CACNA2D4: variants seen among roughly 807,000 people sequenced by gnomAD.
The protein encoded by CACNA2D4 is voltage-dependent calcium channel subunit alpha-2/delta-4.
In CACNA2D4, 157 loss-of-function variants were observed where a neutral mutation model predicts 163.8. The observed-to-expected ratio is 0.96, with a 90% CI of 0.84 to 1.09. The LOEUF (loss-of-function observed/expected upper bound fraction) is 1.09. Ranked by LOEUF, CACNA2D4 falls within the 50% of genes least tolerant of loss-of-function variation. CACNA2D4 has a pLI of 0.00. For missense variants in CACNA2D4, 1,410 were observed against 1,479.9 expected, an observed-to-expected ratio of 0.95 and a Z score of 0.78; for synonymous variants, 598 against 586.9, an observed-to-expected ratio of 1.02 and a Z score of -0.27.
At chr12:1,818,125 TCCCGGCCGCGA>T (rs1242786432) in intron 26 of CACNA2D4, among the ~76,000 whole-genome samples, 18 of 136,826 alleles carry the variant, frequency 1.3e-4, no homozygotes, top group Non-Finnish European at 2.2e-4. Flanking sequence ...GAGCGTCTCT[TCCCGGCCGCGA>T]CCCCGTCTGG....
At chr12:1,891,285 C>T (rs1424644475) in intron 6 of CACNA2D4, among the ~76,000 whole-genome samples, 1 of 152,216 alleles carries the variant, frequency 6.6e-6, no homozygotes, top group Admixed American at 6.5e-5. Context: ...CTAACAATGC[C>T]ACCCTAAGCC....
intron 23 of CACNA2D4, among the ~76,000 whole-genome samples, chr12:1,851,315 A>G (rs188784126): frequency 9.1e-4 from 138 of 152,338 alleles, no homozygotes; most frequent in African/African-American, 2.4e-3. Context: ...TTTAGTATTT[A>G]TATGGCTTCA....
At position 1,851,673 on chromosome 12, in the gene CACNA2D4, G is replaced by GTGTGTGTGTGTT. The variant is rs1338168230; in HGVS notation, c.2246+2277_2246+2278insAACACACACACA. Among the ~76,000 whole-genome samples, 7 of 71,896 alleles carry GTGTGTGTGTGTT rather than the reference G, an allele frequency of 9.7e-5. 1 individual carries two copies. In the Admixed American group the frequency reaches 1.4e-3, roughly 15 times the overall value. 47.2% of individuals were successfully genotyped at this position (71,896 alleles called of 152,430 possible). On this transcript the variant is annotated intron_variant, in intron 23 of 37. Coordinates refer to ENST00000382722, the MANE Select transcript of CACNA2D4 (RefSeq NM_172364.5). The stretch of plus-strand genomic sequence containing the variant: ...TGTTTGTGTGTGTGTGTGTGTGTGT[G>GTGTGTGTGTGTT]TGTGCGTTTTTTTTTTTTTTTTCCA...
At position 1,798,153 on chromosome 12, in the gene CACNA2D4, G is replaced by A. The variant is rs549798007; in HGVS notation, c.2996-618C>T. 3.3e-4 allele frequency among the ~76,000 whole-genome samples: 50 copies of A among 152,316 alleles called. No individual in the cohort carries two copies. The highest frequency in any genetic ancestry group is 6.3e-4 in the Non-Finnish European group (43 of 68,008). ...CTGCGCGATTTGCCTTAGCTCCCTG[G>A]GACAAGGACAGTGGACTCAACCAAA... is the stretch of plus-strand genomic sequence containing the variant. On this transcript the variant is annotated intron_variant, in intron 34 of 37. Transcript: ENST00000382722. This position sits in a 1 kb window ranked among gnomAD's most constrained non-coding sequence, Gnocchi z 4.3.
rs1449653875 is a variant in CACNA2D4 at position 1,844,225 on chromosome 12, C to T, written c.2470+177G>A. On this transcript the variant is annotated intron_variant, in intron 25 of 37. Coordinates refer to ENST00000382722, the MANE Select transcript of CACNA2D4 (RefSeq NM_172364.5). The surrounding 1 kb of genome is among the most constrained non-coding windows in gnomAD (Gnocchi z 4.2). ...GTGGGACCTGTGGTGTGGGAAGGTG[C>T]CAATGAGCTTTTTTAAGTCACTAAT... Among the ~76,000 whole-genome samples, 1 of 152,086 alleles carries T rather than the reference C, an allele frequency of 6.6e-6. No individual in the cohort carries two copies. Among genetic ancestry groups the T allele is most frequent in the Non-Finnish European group, 1.5e-5 (1 of 68,018 alleles).
rs565807092 is a variant in CACNA2D4, at chr12:1,868,275, C to T, written c.1878+6329G>A. On this transcript the variant is annotated intron_variant, in intron 18 of 37. Coordinates refer to ENST00000382722, the MANE Select transcript of CACNA2D4 (RefSeq NM_172364.5). The stretch of plus-strand genomic sequence containing the variant: ...TAAATACAGAGGAATATTATTCAGC[C>T]TTAACAAAGAAGGAGATTCTGCCAT... Among the ~76,000 whole-genome samples the T allele has an allele frequency of 2.3e-4, 35 of 152,196 alleles. No individual in the cohort carries two copies. The South Asian group carries it at 7.3e-3, about 32-fold the overall frequency.
At chr12:1,797,193 G>C (rs1863154439) in intron 35 of CACNA2D4, among the ~76,000 whole-genome samples, 1 of 152,206 alleles carries the variant, frequency 6.6e-6, no homozygotes, top group Admixed American at 6.5e-5. Flanking sequence ...CGGCTGTCCC[G>C]GTCCCCAGCC....
chr12:1,807,300 C>G (rs1403761246), intron 29 of CACNA2D4, among the ~76,000 whole-genome samples: 1 of 151,570 alleles, frequency 6.6e-6, no homozygotes, highest in Non-Finnish European at 1.5e-5. Context: ...AGATGCAGAT[C>G]CTTCTCCAGT....
rs536998616 is a variant in CACNA2D4, at chr12:1,879,717, G to A, written c.1563+87C>T. The A allele has an allele frequency of 9.6e-6, 11 of 1,143,246 alleles. No individual in the cohort carries two copies. The South Asian group carries it at 1.1e-4, about 11-fold the overall frequency. 70.8% of individuals were successfully genotyped at this position (1,143,246 alleles called of 1,614,324 possible). On this transcript the variant is annotated intron_variant, in intron 14 of 37. Transcript: ENST00000382722. The stretch of plus-strand genomic sequence containing the variant: ...CCTCCCAAGGTGGCTCAGAGGCACA[G>A]CCAAGTCAAGAATCACTGGTCTAAA...
rs142220162 is a variant in CACNA2D4, at chr12:1,806,329, C to CTTATTA, written c.2721+3948_2721+3949insTAATAA. ...GGTTGCAATCTTGTCATCCATAACTCTTATAAGAATGAGCCCTGGCCTGGA... is the reference window on the plus strand; with the variant it reads ...GGTTGCAATCTTGTCATCCATAACTCTTATTATTATAAGAATGAGCCCTGGCCTGGA... On this transcript the variant is annotated intron_variant, in intron 29 of 37. Coordinates refer to ENST00000382722, the MANE Select transcript of CACNA2D4 (RefSeq NM_172364.5). The surrounding 1 kb of genome is among the most constrained non-coding windows in gnomAD (Gnocchi z 4.1). Among the ~76,000 whole-genome samples the CTTATTA allele has an allele frequency of 0.01, 1,598 of 152,290 alleles. 30 individuals are homozygous for CTTATTA. Among genetic ancestry groups the CTTATTA allele is most frequent in the African/African-American group, 0.037 (1,522 of 41,536 alleles).
intron 7 of CACNA2D4, 98 bp downstream of exon 7, chr12:1,886,911 C>T (rs966807367): frequency 5.3e-5 from 41 of 776,576 alleles, no homozygotes; most frequent in South Asian, 2.7e-4. Flanking sequence ...CCTTGAGTGG[C>T]GGTGGGGGAA....
chr12:1,823,984 A>G (rs1459338527), intron 26 of CACNA2D4, among the ~76,000 whole-genome samples: 2 of 152,220 alleles, frequency 1.3e-5, no homozygotes, highest in Admixed American at 1.3e-4. Context: ...CCATTTGCCT[A>G]ACTTTAGGTG....
chr12:1,896,654 C>A (rs200926724), intron 6 of CACNA2D4, among the ~76,000 whole-genome samples: 13,824 of 123,772 alleles, frequency 0.11, 824 homozygotes, highest in South Asian at 0.14. Flanking sequence ...CACACACACA[C>A]AAAACAGATG....
intron 18 of CACNA2D4, among the ~76,000 whole-genome samples, chr12:1,871,905 G>T (rs1244513370): frequency 6.6e-6 from 1 of 152,190 alleles, no homozygotes; most frequent in Non-Finnish European, 1.5e-5. Context: ...GATCAAAAAC[G>T]AGAATGACAG....
chr12:1,865,160 T>G (rs1865618129), intron 18 of CACNA2D4, among the ~76,000 whole-genome samples: 1 of 152,098 alleles, frequency 6.6e-6, no homozygotes, highest in Non-Finnish European at 1.5e-5. Flanking sequence ...CTCGGCGCCG[T>G]GGCGGGGAAG....
At chr12:1,827,908 G>A (rs968026028) in intron 26 of CACNA2D4, 34 of 409,238 alleles carry the variant, frequency 8.3e-5, no homozygotes, top group African/African-American at 6.2e-4. Flanking sequence ...CATCCCAGGG[G>A]CTTGAAGGCT....
chr12:1,794,769 G>A (rs1863063958), intron 37 of CACNA2D4, among the ~76,000 whole-genome samples: 1 of 152,172 alleles, frequency 6.6e-6, no homozygotes, highest in Admixed American at 6.5e-5. Flanking sequence ...GGGATTTTAT[G>A]GAGGCCTCAT....
intron 35 of CACNA2D4, 50 bp from the exon 36 acceptor site, chr12:1,795,830 G>A (rs117947732): frequency 5.9e-5 from 69 of 1,165,658 alleles, no homozygotes; most frequent in Non-Finnish European, 8.1e-5. Flanking sequence ...ACCACGAGAA[G>A]GGCTTCTAGG....
chr12:1,907,492 C>G lies in CACNA2D4; in HGVS notation c.729G>C (p.Thr243=), dbSNP rs1028322197. ...VFVENFQRDP[T]LTWQYFGSAT... is the part of the protein sequence containing the mutation. ...CACTGCCAAAATATTGCCAGGTCAACGTTGGGTCTCTCTGGAAGTTCTCCA... is the reference window on the plus strand; with the variant it reads ...CACTGCCAAAATATTGCCAGGTCAAGGTTGGGTCTCTCTGGAAGTTCTCCA... The change falls in exon 6 of 38, where the codon ACG becomes ACC. Residue 243 remains threonine (T), a synonymous_variant. Coordinates refer to ENST00000382722, the MANE Select transcript of CACNA2D4 (RefSeq NM_172364.5). 1.2e-6 allele frequency: 2 copies of G among 1,613,950 alleles called. No individual in the cohort carries two copies. The highest frequency in any genetic ancestry group is 1.7e-5 in the Admixed American group (1 of 60,024).
Sources: allele counts gnomAD v4.1 joint callset (sites outside exome capture counted in the v4.1 genomes callset), GRCh38; gene constraint gnomAD v4.1.1; non-coding constraint Gnocchi (gnomAD v3.1); transcripts MANE v1.5; gene names NCBI Gene and HGNC (gene_info 2026-07-23, HGNC 2026-07-21).